Variants in ATP2C2 observed in about 807,000 individuals in gnomAD.
ATP2C2 encodes calcium-transporting ATPase type 2C member 2.
A neutral mutation model predicts 110.8 loss-of-function variants in ATP2C2; 171 were observed. The ratio of observed to expected loss-of-function variants is 1.54; its 90% confidence interval spans 1.36 to 1.75. The LOEUF (loss-of-function observed/expected upper bound fraction) is 1.75, where lower values mean the gene tolerates loss of function less well. ATP2C2 is among the 40% of genes most tolerant of loss of function. The pLI is 0.00. For missense variants in ATP2C2, 1,963 were observed against 1,235.0 expected, an observed-to-expected ratio of 1.59 and a Z score of -8.84; for synonymous variants, 804 against 508.4, an observed-to-expected ratio of 1.58 and a Z score of -7.82.
At chr16:84,441,973 A>T (rs1259767571) in intron 14 of ATP2C2, among the ~76,000 whole-genome samples, 7 of 152,202 alleles carry the variant, frequency 4.6e-5, no homozygotes, top group South Asian at 4.2e-4. Context: ...AATAATAAAA[A>T]AGAAAAGAAA....
chr16:84,462,374 A>C (rs747036971), intron 26 of ATP2C2: 9 of 452,474 alleles, frequency 2.0e-5, no homozygotes, highest in Non-Finnish European at 3.5e-5. Flanking sequence ...CTGGGGCCCA[A>C]GGGGCACCGG....
At chr16:84,387,054 C>A (rs1382579828) in intron 1 of ATP2C2, among the ~76,000 whole-genome samples, 1 of 152,044 alleles carries the variant, frequency 6.6e-6, no homozygotes, top group Non-Finnish European at 1.5e-5. Context: ...GTTGGGGGTG[C>A]AGATCTGAGG....
At chr16:84,428,460 T>A (rs914188372) in intron 11 of ATP2C2, among the ~76,000 whole-genome samples, 1 of 152,208 alleles carries the variant, frequency 6.6e-6, no homozygotes, top group African/African-American at 2.4e-5. Flanking sequence ...TAATGGGAAT[T>A]GGAAATACTG....
chr16:84,390,512 A>G (rs557713520), intron 1 of ATP2C2, among the ~76,000 whole-genome samples: 1 of 152,188 alleles, frequency 6.6e-6, no homozygotes, highest in Non-Finnish European at 1.5e-5. Flanking sequence ...GCAGCAGGCA[A>G]ATAACATCTT....
chr16:84,374,143 C>T (rs1328306923), intron 1 of ATP2C2, among the ~76,000 whole-genome samples: 1 of 152,200 alleles, frequency 6.6e-6, no homozygotes, highest in Non-Finnish European at 1.5e-5. Context: ...TTGACGGTGC[C>T]AGCTGCTACG....
chr16:84,411,224 T>TA (rs1052271803), intron 6 of ATP2C2, among the ~76,000 whole-genome samples: 2 of 152,120 alleles, frequency 1.3e-5, no homozygotes, highest in East Asian at 3.9e-4. Flanking sequence ...TGAACTTGAG[T>TA]AACTACTCAG....
At chr16:84,452,121 G>A (rs749019444) in intron 18 of ATP2C2, 30 bp downstream of exon 18, 64 of 1,612,576 alleles carry the variant, frequency 4.0e-5, no homozygotes, top group Non-Finnish European at 4.7e-5. Context: ...GGGTGAGGAC[G>A]AAAGGACCCA....
intron 7 of ATP2C2, among the ~76,000 whole-genome samples, chr16:84,421,929 G>A (rs1451487056): frequency 6.6e-6 from 1 of 152,118 alleles, no homozygotes; most frequent in Non-Finnish European, 1.5e-5. Context: ...GCCAGGGTGT[G>A]TGAGTGTCTC....
chr16:84,415,371 G>T (rs1906738119), intron 6 of ATP2C2, 112 bp from the exon 7 acceptor site: 2 of 856,984 alleles, frequency 2.3e-6, no homozygotes, highest in African/African-American at 3.3e-5. Context: ...CACAGGGTTG[G>T]TGTATATTAA....
chr16:84,375,868 T>A (rs190676144), intron 1 of ATP2C2, among the ~76,000 whole-genome samples: 110 of 151,946 alleles, frequency 7.2e-4, no homozygotes, highest in African/African-American at 2.7e-3. Context: ...AAAAAGGAGA[T>A]GTGAAAAATA....
intron 20 of ATP2C2, among the ~76,000 whole-genome samples, chr16:84,453,873 C>G (rs977860418): frequency 8.6e-5 from 13 of 151,970 alleles, no homozygotes; most frequent in African/African-American, 3.1e-4. Flanking sequence ...CGGAGTCTTG[C>G]TCTGTCACCT....
chr16:84,410,241 G>A (rs1906154998), intron 4 of ATP2C2, among the ~76,000 whole-genome samples: 1 of 152,128 alleles, frequency 6.6e-6, no homozygotes, highest in Non-Finnish European at 1.5e-5. Context: ...TTCCACATCT[G>A]CTATGGAGAA....
Position 84,405,052 on chromosome 16 carries a change from G to C in ATP2C2, c.211-76G>C, listed in dbSNP as rs532838932. 9.0e-6 allele frequency: 11 copies of C among 1,227,662 alleles called. No individual in the cohort carries two copies. The South Asian group carries it at 1.2e-4, about 13-fold the overall frequency. 76.0% of individuals were successfully genotyped at this position (1,227,662 alleles called of 1,614,324 possible). On this transcript the variant is annotated intron_variant, in intron 2 of 26. Coordinates refer to ENST00000262429, the MANE Select transcript of ATP2C2 (RefSeq NM_014861.4). Reference sequence around the variant, plus strand: ...CCATCATGGAAGCCGCTGCCTTTCAGAGTGGGAGTCTGTACCCTGTTGCCT... The same window carrying C: ...CCATCATGGAAGCCGCTGCCTTTCACAGTGGGAGTCTGTACCCTGTTGCCT...
rs113362132 is a variant in ATP2C2 at position 84,443,282 on chromosome 16, T to G, written c.1401+683T>G. On this transcript the variant is annotated intron_variant, in intron 15 of 26. Transcript: ENST00000262429. ...AAAGGAAGGAAGAAGGTGGCCCCGG[T>G]CAGCTCCCACGTCTGTTTCCATGGC... Among the ~76,000 whole-genome samples the G allele has an allele frequency of 1.8e-3, 275 of 152,286 alleles. 1 individual carries two copies. Among genetic ancestry groups the G allele is most frequent in the African/African-American group, 6.2e-3 (256 of 41,558 alleles).
chr16:84,418,299 G>T (rs1450408784), intron 7 of ATP2C2, among the ~76,000 whole-genome samples: 2 of 151,962 alleles, frequency 1.3e-5, no homozygotes, highest in Non-Finnish European at 2.9e-5. Context: ...CTGTTCCCCC[G>T]ACTCTATTTT....
chr16:84,419,238 A>T (rs1010574944), intron 7 of ATP2C2, among the ~76,000 whole-genome samples: 10 of 138,412 alleles, frequency 7.2e-5, no homozygotes, highest in African/African-American at 2.2e-4. Context: ...AAAAAAAAAA[A>T]GTGCTACTGG....
intron 1 of ATP2C2, among the ~76,000 whole-genome samples, chr16:84,393,152 A>G (rs1316057488): frequency 1.3e-5 from 2 of 152,230 alleles, no homozygotes; most frequent in Non-Finnish European, 2.9e-5. Context: ...GCCGTACCAG[A>G]GTCTGTAGTT....
chr16:84,446,139 G>C (rs1361264831), intron 15 of ATP2C2, among the ~76,000 whole-genome samples, 190 bp from the exon 16 acceptor site: 1 of 148,478 alleles, frequency 6.7e-6, no homozygotes, highest in Non-Finnish European at 1.5e-5. Flanking sequence ...CTTCAGCCAA[G>C]AGAAGAGACT....
At chr16:84,369,968 T>A (rs1453931397) in intron 1 of ATP2C2, among the ~76,000 whole-genome samples, 1 of 152,226 alleles carries the variant, frequency 6.6e-6, no homozygotes, top group East Asian at 1.9e-4. Context: ...CTGCGATACA[T>A]TCTGCTAAAG....
Sources: gnomAD v4.1 joint callset for allele counts (sites outside exome capture counted in the v4.1 genomes callset) on GRCh38, gnomAD v4.1.1 for gene constraint, MANE v1.5 for transcripts, NCBI Gene and HGNC (gene_info 2026-07-23, HGNC 2026-07-21) for gene names.